The following MAP2K4 variants were observed in gnomAD, a reference collection of about 807,000 sequenced individuals.
The protein encoded by MAP2K4 is mitogen-activated protein kinase kinase 4, also known as dual specificity mitogen-activated protein kinase kinase 4.
MAP2K4 carries 4 observed loss-of-function variants against 48.5 expected under a neutral mutation model. The observed-to-expected ratio is 0.08, with a 90% CI of 0.04 to 0.19. The LOEUF is 0.19. Ranked by LOEUF, MAP2K4 falls within the 10% of genes least tolerant of loss-of-function variation. The probability of loss-of-function intolerance (pLI) is 1.00; values close to 1 mark genes in which losing one functional copy is unlikely to be tolerated. For synonymous variants in MAP2K4, 166 were observed against 173.1 expected (o/e 0.96, Z 0.32); for missense variants, 258 against 493.3 (o/e 0.52, Z 4.52).
In MAP2K4 at chr17:12,131,031, T is replaced by C. The variant is rs558531474; in HGVS notation, c.1040+1744T>C. Among the ~76,000 whole-genome samples, 120 of 152,306 alleles carry C rather than the reference T, an allele frequency of 7.9e-4. 1 individual carries two copies. The highest frequency in any genetic ancestry group is 2.7e-3 in the African/African-American group (111 of 41,566). Reference sequence around the variant, plus strand: ...AAAATCTTAGGTTGTATAATGGTTTTTAGTCCTCCAAAGGGCCATAGAATA... The same window carrying C: ...AAAATCTTAGGTTGTATAATGGTTTCTAGTCCTCCAAAGGGCCATAGAATA... On this transcript the variant is annotated intron_variant, in intron 9 of 10. Coordinates refer to ENST00000353533, the MANE Select transcript of MAP2K4 (RefSeq NM_003010.4).
At chr17:12,055,828 A>G (rs1039973156) in intron 2 of MAP2K4, among the ~76,000 whole-genome samples, 4 of 152,112 alleles carry the variant, frequency 2.6e-5, no homozygotes, top group African/African-American at 7.2e-5. Context: ...AGCAATGTCT[A>G]GAAGGGAGTA....
chr17:12,082,244 A>G (rs564555217), intron 3 of MAP2K4, among the ~76,000 whole-genome samples: 1 of 151,940 alleles, frequency 6.6e-6, no homozygotes, highest in South Asian at 2.1e-4. Flanking sequence ...TCTGACTCCT[A>G]GTTTCATGTA....
At chr17:12,139,115 A>T (rs574481475) in intron 9 of MAP2K4, among the ~76,000 whole-genome samples, 3 of 152,364 alleles carry the variant, frequency 2.0e-5, no homozygotes, top group African/African-American at 7.2e-5. Flanking sequence ...TATGTTACCC[A>T]TATTAATTCA....
chr17:12,079,882 A>G (rs1168790522), intron 2 of MAP2K4, among the ~76,000 whole-genome samples: 1 of 152,166 alleles, frequency 6.6e-6, no homozygotes, highest in African/African-American at 2.4e-5. Flanking sequence ...CTTCATCTTC[A>G]CCTAAATGGT....
chr17:12,135,159 G>A (rs970546743), intron 9 of MAP2K4, among the ~76,000 whole-genome samples: 7 of 152,280 alleles, frequency 4.6e-5, no homozygotes, highest in Non-Finnish European at 8.8e-5. Context: ...CATGATCTCG[G>A]CTCACCGCAG....
intron 8 of MAP2K4, among the ~76,000 whole-genome samples, chr17:12,125,641 T>G (rs1307106273): frequency 2.0e-5 from 3 of 152,212 alleles, no homozygotes; most frequent in Non-Finnish European, 4.4e-5. Flanking sequence ...TCAACTATTA[T>G]CTGCAACTGC....
At chr17:12,104,330 T>G (rs2151569773) in intron 4 of MAP2K4, among the ~76,000 whole-genome samples, 1 of 152,238 alleles carries the variant, frequency 6.6e-6, no homozygotes, top group African/African-American at 2.4e-5. Flanking sequence ...CTTTCTATAC[T>G]TTAAAGACTG....
At chr17:12,054,841 C>T (rs1255620305) in intron 1 of MAP2K4, 48 bp from the exon 2 acceptor site, 1 of 1,211,896 alleles carries the variant, frequency 8.3e-7, no homozygotes, top group Non-Finnish European at 1.2e-6. Flanking sequence ...AGAATAGTAC[C>T]TGTTTTGTAG....
intron 1 of MAP2K4, among the ~76,000 whole-genome samples, chr17:12,047,643 T>G (rs1409642666): frequency 6.6e-6 from 1 of 152,224 alleles, no homozygotes; most frequent in East Asian, 1.9e-4. Context: ...CAAGCTGAAT[T>G]CTTTGTTGCT....
At chr17:12,130,281 G>T (rs1253120895) in intron 9 of MAP2K4, among the ~76,000 whole-genome samples, 1 of 152,076 alleles carries the variant, frequency 6.6e-6, no homozygotes, top group Admixed American at 6.6e-5. Context: ...GTTTTTCAGA[G>T]GGGAGAGGAA....
chr17:12,086,831 GT>G lies in MAP2K4; in HGVS notation c.393+5305del, dbSNP rs869283167. Among the ~76,000 whole-genome samples, 8 of 10,456 alleles carry G rather than the reference GT, an allele frequency of 7.7e-4. No individual in the cohort carries two copies. In the South Asian group the frequency reaches 0.079, roughly 103 times the overall value. 6.9% of individuals were successfully genotyped at this position (10,456 alleles called of 152,430 possible). On this transcript the variant is annotated intron_variant, in intron 3 of 10. Coordinates refer to ENST00000353533, the MANE Select transcript of MAP2K4 (RefSeq NM_003010.4). ...TTATCTGGAGAAAAACCTGTTTTTT[GT>G]TTTGTTTTGTTTTGTTTTGTTTTGT...
rs184242686 is a variant in MAP2K4, at chr17:12,071,587, A to G, written c.219-9769A>G. Among the ~76,000 whole-genome samples the G allele has an allele frequency of 1.4e-4, 21 of 152,260 alleles. No homozygotes were observed. The East Asian group carries it at 3.9e-3, about 28-fold the overall frequency. On this transcript the variant is annotated intron_variant, in intron 2 of 10. Transcript: ENST00000353533. The stretch of plus-strand genomic sequence containing the variant: ...TCATATTTTTCTCACCCTAACTCCC[A>G]CCTCCAAAAAAACAACAAAATGAAT...
Position 12,126,529 on chromosome 17 carries a change from C to G in MAP2K4, c.891+1158C>G, listed in dbSNP as rs531805358. Among the ~76,000 whole-genome samples the G allele has an allele frequency of 2.0e-3, 309 of 152,278 alleles. 1 individual carries two copies. Among genetic ancestry groups the G allele is most frequent in the Admixed American group, 3.5e-3 (53 of 15,300 alleles). ...TTCCTGGTTCATAAACAGCCATCTT[C>G]TTGTTGTAGTCTCACATGGCAGAAG... On this transcript the variant is annotated intron_variant, in intron 8 of 10. Transcript: ENST00000353533.
chr17:12,137,150 C>G (rs1401204903), intron 9 of MAP2K4, among the ~76,000 whole-genome samples: 1 of 152,120 alleles, frequency 6.6e-6, no homozygotes, highest in Non-Finnish European at 1.5e-5. Flanking sequence ...TCCCTGGCTC[C>G]CAGTTCAGTT....
chr17:12,083,862 C>T (rs1971274253), intron 3 of MAP2K4, among the ~76,000 whole-genome samples: 1 of 152,120 alleles, frequency 6.6e-6, no homozygotes, highest in Admixed American at 6.5e-5. Flanking sequence ...TGAGACTTTA[C>T]GGTTTTAAAG....
At chr17:12,076,194 A>G (rs574102380) in intron 2 of MAP2K4, among the ~76,000 whole-genome samples, 6 of 152,154 alleles carry the variant, frequency 3.9e-5, no homozygotes, top group Admixed American at 3.3e-4. Flanking sequence ...ATGAAGTTCC[A>G]GGCAGCTTTA....
At chr17:12,076,918 A>G (rs538981553) in intron 2 of MAP2K4, among the ~76,000 whole-genome samples, 2 of 151,900 alleles carry the variant, frequency 1.3e-5, no homozygotes. Flanking sequence ...TGCTTTATTC[A>G]TGTGTTTTTT....
chr17:12,022,788 A>G (rs138155341), intron 1 of MAP2K4, among the ~76,000 whole-genome samples: 10 of 152,324 alleles, frequency 6.6e-5, no homozygotes, highest in Non-Finnish European at 1.0e-4. Context: ...AATAAAGGTA[A>G]CAAGCTGGGT....
At chr17:12,057,959 A>AT (rs928447027) in intron 2 of MAP2K4, among the ~76,000 whole-genome samples, 5 of 149,998 alleles carry the variant, frequency 3.3e-5, no homozygotes, top group Admixed American at 1.3e-4. Context: ...ACATCTTATA[A>AT]TTTTTTTTTC....
Sources: allele counts gnomAD v4.1 joint callset (sites outside exome capture counted in the v4.1 genomes callset), GRCh38; gene constraint gnomAD v4.1.1; transcripts MANE v1.5; gene names NCBI Gene and HGNC (gene_info 2026-07-23, HGNC 2026-07-21).